The following FAS variants were observed in gnomAD, a reference collection of about 807,000 sequenced individuals.
FAS encodes the protein Fas cell surface death receptor, also known as tumor necrosis factor receptor superfamily member 6.
Under a neutral mutation model 33.2 loss-of-function variants are expected in FAS, and 5 were observed. That is an observed-to-expected ratio of 0.15 (90% CI 0.08 to 0.32). The LOEUF is 0.32. Among genes scored for constraint, FAS ranks in the 10% least tolerant of loss-of-function variants. FAS has a pLI of 1.00. For synonymous variants in FAS, 131 were observed against 130.7 expected (o/e 1.00, Z -0.01); for missense variants, 339 against 386.0 (o/e 0.88, Z 1.02).
At chr10:89,012,237 G>T in intron 7 of FAS, 156 bp downstream of exon 7, 2 of 644,694 alleles carry the variant, frequency 3.1e-6, no homozygotes, top group Non-Finnish European at 5.4e-6. Flanking sequence ...GAGTGCAGGG[G>T]TGCAATCATG....
chr10:89,014,515 T>G lies in FAS; in HGVS notation c.*65T>G. On this transcript the variant is annotated 3_prime_UTR_variant, in exon 9 of 9. Transcript: ENST00000652046. ...AGTGTTTGAAAAGATTCTTAATAGC[T>G]GGCTGTAAATACTGCTTGGTTTTTT... The G allele has an allele frequency of 6.9e-7, 1 of 1,453,990 alleles. No individual in the cohort carries two copies. The highest frequency in any genetic ancestry group is 9.5e-7 in the Non-Finnish European group (1 of 1,056,738). The allele number at this position is 1,453,990 out of a possible 1,614,324, so 90.1% of individuals were successfully genotyped here.
rs577408831 is a variant in FAS at position 89,014,054 on chromosome 10, A to G, written c.677-65A>G. On this transcript the variant is annotated intron_variant, in intron 8 of 8. Coordinates refer to ENST00000652046, the MANE Select transcript of FAS (RefSeq NM_000043.6). Reference sequence around the variant, plus strand: ...AAGTACTATAAAAAGAGAAATAAACATGGTTTTCACTAATGGGAATTTCAT... The same window carrying G: ...AAGTACTATAAAAAGAGAAATAAACGTGGTTTTCACTAATGGGAATTTCAT... 10 of 1,507,858 alleles carry G rather than the reference A, an allele frequency of 6.6e-6. No homozygotes were observed. In the African/African-American group the frequency reaches 8.2e-5, roughly 12 times the overall value. 93.4% of individuals were successfully genotyped at this position (1,507,858 alleles called of 1,614,324 possible).
Position 88,990,941 on chromosome 10 carries a change from C to T in FAS, c.30+35C>T. On this transcript the variant is annotated intron_variant, in intron 1 of 8. Coordinates refer to ENST00000652046, the MANE Select transcript of FAS (RefSeq NM_000043.6). This position sits in a 1 kb window ranked among gnomAD's most constrained non-coding sequence, Gnocchi z 4.9. ...CTCCTGCCCGGGTGGAGGCTTACCC[C>T]GTCTTAGTCCCGGGGATAGGCAAAG... 6.2e-7 allele frequency: 1 copy of T among 1,614,036 alleles called. No homozygotes were observed. The highest frequency in any genetic ancestry group is 1.1e-5 in the South Asian group (1 of 91,082).
upstream of FAS, among the ~76,000 whole-genome samples, chr10:88,985,404 T>C (rs1367962788): frequency 6.6e-6 from 1 of 152,242 alleles, no homozygotes; most frequent in Non-Finnish European, 1.5e-5. Context: ...TTGAACTAGA[T>C]GTTAATACCA....
chr10:88,979,175 T>C (rs1053954724), intron 2 of FAS, among the ~76,000 whole-genome samples: 1 of 152,124 alleles, frequency 6.6e-6, no homozygotes, highest in East Asian at 1.9e-4. Context: ...ACTAAGCTGG[T>C]TTTAATGGGT....
rs780272444 is a variant in FAS, at chr10:89,003,090, A to G, written c.92A>G (p.Asn31Ser). ...GTTAATGCCCAAGTGACTGACATCA[A>G]CTCCAAGGGATTGGAATTGAGGAAG... ...KSVNAQVTDI[N>S]SKGLELRKTV... Residue 31 changes from asparagine to serine, a missense_variant, in exon 2 of 9, where the codon AAC becomes AGC. By Grantham distance (46) the Asn-to-Ser change is conservative. This residue lies in a region of FAS where 276 missense variants were observed against 300.1 expected (regional missense o/e 0.92). Coordinates refer to ENST00000652046, the MANE Select transcript of FAS (RefSeq NM_000043.6). 1.2e-6 allele frequency: 2 copies of G among 1,614,112 alleles called. No homozygotes were observed. The highest frequency in any genetic ancestry group is 2.2e-5 in the East Asian group (1 of 44,886).
intron 4 of FAS, 49 bp downstream of exon 4, chr10:89,009,046 T>G: frequency 6.8e-7 from 1 of 1,478,778 alleles, no homozygotes; most frequent in Non-Finnish European, 9.5e-7. Context: ...AACATGAGAG[T>G]TATCATTTTC....
At chr10:88,991,878 A>C (rs1363591179) in intron 1 of FAS, among the ~76,000 whole-genome samples, 1 of 152,184 alleles carries the variant, frequency 6.6e-6, no homozygotes, top group Non-Finnish European at 1.5e-5. Context: ...TGGATCCAGG[A>C]GGCTCATTTG....
chr10:88,988,451 C>G (rs1220659528), upstream of FAS, among the ~76,000 whole-genome samples: 1 of 108,022 alleles, frequency 9.3e-6, no homozygotes, highest in African/African-American at 3.1e-5. Context: ...TTTATCTTAA[C>G]TCTTCCTGTT....
chr10:89,009,919 G>A (rs1034801909), intron 4 of FAS, among the ~76,000 whole-genome samples: 2 of 152,146 alleles, frequency 1.3e-5, no homozygotes, highest in East Asian at 1.9e-4. Context: ...TGTTATTGAT[G>A]AGATAAAAGG....
intron 2 of FAS, among the ~76,000 whole-genome samples, chr10:89,004,491 A>G (rs894932051): frequency 1.1e-4 from 17 of 150,036 alleles, no homozygotes; most frequent in Non-Finnish European, 3.0e-5. Flanking sequence ...CATTAGGTAT[A>G]TCTCCCAATG....
intron 6 of FAS, among the ~76,000 whole-genome samples, 162 bp from the exon 7 acceptor site, chr10:89,011,837 G>A (rs948951809): frequency 1.6e-4 from 24 of 152,322 alleles, no homozygotes; most frequent in African/African-American, 5.1e-4. Flanking sequence ...TTAGTAGTAC[G>A]AAAGTTCCAA....
upstream of FAS, among the ~76,000 whole-genome samples, chr10:88,983,638 A>AACACACAC (rs755182708): frequency 2.2e-4 from 23 of 102,846 alleles, no homozygotes; most frequent in African/African-American, 7.5e-4. Context: ...AAAAAAAAAA[A>AACACACAC]ACACACACAC....
rs1846324582 is a variant in FAS at position 88,966,732 on chromosome 10, C to T, written n.95-6450C>T. Among the ~76,000 whole-genome samples, 5 of 152,202 alleles carry T rather than the reference C, an allele frequency of 3.3e-5. No homozygotes were observed. In the South Asian group the frequency reaches 1.0e-3, roughly 31 times the overall value. ...GCAAAATGACAATGGCACTTGCCAG[C>T]CACCACTTTTCAGGGCTCCTGAGCA... On this transcript the variant is annotated intron_variant and non_coding_transcript_variant, in intron 1 of 3. Coordinates refer to the FAS transcript ENST00000688239.
rs554689514 is a variant in FAS at position 89,015,044 on chromosome 10, A to G, written c.*594A>G. Reference sequence around the variant, plus strand: ...TTGCACAGTTTATTGGTGTCATATTATACAATATTTCAATTGTGAATTCAC... The same window carrying G: ...TTGCACAGTTTATTGGTGTCATATTGTACAATATTTCAATTGTGAATTCAC... On this transcript the variant is annotated 3_prime_UTR_variant, in exon 9 of 9. Transcript: ENST00000652046. The G allele has an allele frequency of 5.6e-6, 3 of 534,218 alleles. No homozygotes were observed. Among genetic ancestry groups the G allele is most frequent in the East Asian group, 7.8e-5 (2 of 25,688 alleles). 33.1% of individuals were successfully genotyped at this position (534,218 alleles called of 1,614,324 possible).
chr10:89,005,226 A>C (rs1335787033), intron 2 of FAS, among the ~76,000 whole-genome samples: 13 of 152,072 alleles, frequency 8.5e-5, no homozygotes, highest in Non-Finnish European at 8.8e-5. Flanking sequence ...GAAATGAAAA[A>C]GGAAGAGAAA....
chr10:89,001,551 T>C (rs1272935321), intron 1 of FAS, among the ~76,000 whole-genome samples: 2 of 151,620 alleles, frequency 1.3e-5, no homozygotes, highest in African/African-American at 2.4e-5. Context: ...TGACTATTCC[T>C]GAGAAAGTGT....
chr10:89,013,949 G>A (rs1423683218), intron 8 of FAS, 170 bp from the exon 9 acceptor site: 2 of 665,920 alleles, frequency 3.0e-6, no homozygotes, highest in Non-Finnish European at 5.1e-6. Flanking sequence ...GCAGGATTTG[G>A]AGTTAGAACT....
chr10:88,965,869 G>C (rs1303475907), intron 1 of FAS, among the ~76,000 whole-genome samples: 1 of 152,112 alleles, frequency 6.6e-6, no homozygotes, highest in South Asian at 2.1e-4. Flanking sequence ...TTTTGAGAGA[G>C]CCCTGCCAAA....
Sources: gnomAD v4.1 joint callset for allele counts (sites outside exome capture counted in the v4.1 genomes callset) on GRCh38, gnomAD v4.1.1 for gene constraint, gnomAD v4.1.1 regional missense constraint, Gnocchi (gnomAD v3.1) non-coding constraint, MANE v1.5 for transcripts, NCBI Gene and HGNC (gene_info 2026-07-23, HGNC 2026-07-21) for gene names.